KCND2: variants seen among roughly 807,000 people sequenced by gnomAD.
KCND2 encodes the protein potassium voltage-gated channel subfamily D member 2.
A neutral mutation model predicts 54.4 loss-of-function variants in KCND2; 16 were observed. The ratio of observed to expected loss-of-function variants is 0.29; its 90% confidence interval spans 0.20 to 0.45. The LOEUF (loss-of-function observed/expected upper bound fraction) is 0.45. KCND2 is among the 20% of genes least tolerant of loss of function. KCND2 has a pLI of 1.00. For synonymous variants in KCND2, 317 were observed against 310.7 expected (o/e 1.02, Z -0.21); for missense variants, 486 against 824.2 (o/e 0.59, Z 5.02).
chr7:120,426,521 A>G (rs1015449861), intron 1 of KCND2, among the ~76,000 whole-genome samples: 1 of 151,672 alleles, frequency 6.6e-6, no homozygotes, highest in African/African-American at 2.4e-5. Context: ...CTGCCACCTT[A>G]GAATGCACTA....
At chr7:120,707,902 C>T (rs1792489861) in intron 1 of KCND2, among the ~76,000 whole-genome samples, 2 of 152,064 alleles carry the variant, frequency 1.3e-5, no homozygotes, top group African/African-American at 4.8e-5. Flanking sequence ...CATTTGCTAG[C>T]CTTTCCTGGG....
At chr7:120,682,260 A>G (rs757928217) in intron 1 of KCND2, among the ~76,000 whole-genome samples, 32 of 152,024 alleles carry the variant, frequency 2.1e-4, no homozygotes, top group African/African-American at 6.0e-4. Flanking sequence ...TCAGGGATGT[A>G]TGGAAGAATT....
rs116852101 is a variant in KCND2, at chr7:120,536,282, G to A, written c.1116-196621G>A. On this transcript the variant is annotated intron_variant, in intron 1 of 5. Transcript: ENST00000331113. ...TGCTAAAAAATGTTAACAATCATCTGGACTGTCAGTGAGTCTTAATCTTTT... is the reference window on the plus strand; with the variant it reads ...TGCTAAAAAATGTTAACAATCATCTAGACTGTCAGTGAGTCTTAATCTTTT... Among the ~76,000 whole-genome samples, 1,424 of 151,994 alleles carry A rather than the reference G, an allele frequency of 9.4e-3. 14 individuals are homozygous for A. Among genetic ancestry groups the A allele is most frequent in the Non-Finnish European group, 0.016 (1,102 of 67,956 alleles).
chr7:120,353,549 G>C (rs1188678405), intron 1 of KCND2, among the ~76,000 whole-genome samples: 1 of 151,998 alleles, frequency 6.6e-6, no homozygotes, highest in African/African-American at 2.4e-5. Context: ...GTCTGAGATA[G>C]GAAATGAAAG....
At chr7:120,568,327 A>G (rs1397497415) in intron 1 of KCND2, among the ~76,000 whole-genome samples, 1 of 152,122 alleles carries the variant, frequency 6.6e-6, no homozygotes, top group African/African-American at 2.4e-5. Flanking sequence ...AATGAAACTT[A>G]CCAGATTCCT....
At chr7:120,712,832 G>A (rs1792557456) in intron 1 of KCND2, among the ~76,000 whole-genome samples, 1 of 152,096 alleles carries the variant, frequency 6.6e-6, no homozygotes, top group South Asian at 2.1e-4. Context: ...TTTCCTTCTT[G>A]AAAGACTTAT....
In KCND2 at chr7:120,732,797, A is replaced by G. The variant is rs1161521168; in HGVS notation, c.1116-106A>G. ...TATTATAGTCACAAAGTAGAAATAG[A>G]TATGTCCAAAAAATCATTTGACTTA... On this transcript the variant is annotated intron_variant, in intron 1 of 5. Transcript: ENST00000331113. 3 of 819,696 alleles carry G rather than the reference A, an allele frequency of 3.7e-6. No homozygotes were observed. The African/African-American group carries it at 5.2e-5, about 14-fold the overall frequency. The allele number at this position is 819,696 out of a possible 1,614,324, so 50.8% of individuals were successfully genotyped here. A position where few individuals can be genotyped will look rare whatever the true frequency, so the allele number is the denominator to read the frequency against.
At chr7:120,546,152 A>G (rs917085392) in intron 1 of KCND2, among the ~76,000 whole-genome samples, 7 of 151,830 alleles carry the variant, frequency 4.6e-5, no homozygotes, top group African/African-American at 1.7e-4. Context: ...GTTTCTGTCT[A>G]CCCCTCCATG....
chr7:120,583,124 C>T (rs774583583), intron 1 of KCND2, among the ~76,000 whole-genome samples: 3 of 152,002 alleles, frequency 2.0e-5, no homozygotes, highest in Admixed American at 6.6e-5. Flanking sequence ...CTTGTAATCA[C>T]GAGGTTAGTG....
chr7:120,645,112 C>G (rs934378510), intron 1 of KCND2, among the ~76,000 whole-genome samples: 4 of 152,166 alleles, frequency 2.6e-5, no homozygotes, highest in African/African-American at 4.8e-5. Flanking sequence ...AAAACAGATA[C>G]AAGTTCAGAA....
chr7:120,481,238 A>G (rs775665593), intron 1 of KCND2, among the ~76,000 whole-genome samples: 2 of 152,214 alleles, frequency 1.3e-5, no homozygotes, highest in South Asian at 4.1e-4. Context: ...GAACTTAAGA[A>G]TGATGAACCG....
intron 1 of KCND2, among the ~76,000 whole-genome samples, chr7:120,542,464 T>C (rs909219021): frequency 1.3e-5 from 2 of 152,132 alleles, no homozygotes; most frequent in East Asian, 3.8e-4. Context: ...TCCTACATAA[T>C]TGCATGTAAA....
chr7:120,598,767 T>G (rs1792779076), intron 1 of KCND2, among the ~76,000 whole-genome samples: 1 of 152,232 alleles, frequency 6.6e-6, no homozygotes, highest in Non-Finnish European at 1.5e-5. Flanking sequence ...AATCTGTTGC[T>G]TGCATTGTTA....
chr7:120,708,755 C>A (rs1451932130), intron 1 of KCND2, among the ~76,000 whole-genome samples: 1 of 152,026 alleles, frequency 6.6e-6, no homozygotes, highest in Non-Finnish European at 1.5e-5. Context: ...AAATTTAATA[C>A]CCTCCCAACC....
intron 1 of KCND2, among the ~76,000 whole-genome samples, chr7:120,352,801 A>G (rs1428947524): frequency 6.6e-6 from 1 of 152,230 alleles, no homozygotes; most frequent in Non-Finnish European, 1.5e-5. Flanking sequence ...AAACTAAGTC[A>G]GTCTACATTT....
chr7:120,395,038 C>T (rs1446297260), intron 1 of KCND2, among the ~76,000 whole-genome samples: 1 of 151,934 alleles, frequency 6.6e-6, no homozygotes, highest in Non-Finnish European at 1.5e-5. Flanking sequence ...TTGAAACTCT[C>T]CTATGATGAT....
rs1799119909 is a variant in KCND2 at position 120,273,701 on chromosome 7, C to T, written c.-932C>T. 6.5e-6 allele frequency: 1 copy of T among 152,744 alleles called. No homozygotes were observed. The highest frequency in any genetic ancestry group is 6.5e-5 in the Admixed American group (1 of 15,284). 9.5% of individuals were successfully genotyped at this position (152,744 alleles called of 1,614,324 possible). On this transcript the variant is annotated 5_prime_UTR_variant, in exon 1 of 6. Transcript: ENST00000331113. Reference sequence around the variant, plus strand: ...CGCGAGCTGCTTTCTCTCCTCTTCCCTTTCCGGGTGCACGGCGAGGAGAAA... The same window carrying T: ...CGCGAGCTGCTTTCTCTCCTCTTCCTTTTCCGGGTGCACGGCGAGGAGAAA...
intron 1 of KCND2, among the ~76,000 whole-genome samples, chr7:120,471,105 A>G (rs932449516): frequency 5.3e-5 from 8 of 152,112 alleles, no homozygotes; most frequent in African/African-American, 1.9e-4. Context: ...CCCAAATTCT[A>G]GGCAAACTAT....
chr7:120,637,734 A>C (rs1169655945), intron 1 of KCND2, among the ~76,000 whole-genome samples: 1 of 152,166 alleles, frequency 6.6e-6, no homozygotes, highest in Non-Finnish European at 1.5e-5. Context: ...ATTGGAAAAT[A>C]TGTTCTTCAC....
Sources: allele counts gnomAD v4.1 joint callset (sites outside exome capture counted in the v4.1 genomes callset), GRCh38; gene constraint gnomAD v4.1.1; transcripts MANE v1.5; gene names NCBI Gene and HGNC (gene_info 2026-07-23, HGNC 2026-07-21).